The following PARVB variants were observed in gnomAD, a reference collection of about 807,000 sequenced individuals.
The protein encoded by PARVB is parvin beta, also known as beta-parvin.
Under a neutral mutation model 47.0 loss-of-function variants are expected in PARVB, and 46 were observed. That is an observed-to-expected ratio of 0.98 (90% CI 0.77 to 1.25). The LOEUF (loss-of-function observed/expected upper bound fraction) is 1.25. Ranked by LOEUF, PARVB falls within the 50% of genes most tolerant of loss-of-function variation. The probability of loss-of-function intolerance (pLI) is 0.00; values close to 1 mark genes in which losing one functional copy is unlikely to be tolerated. For missense variants in PARVB, 473 were observed against 471.6 expected, an observed-to-expected ratio of 1.00 and a Z score of -0.03; for synonymous variants, 196 against 196.3, an observed-to-expected ratio of 1.00 and a Z score of 0.01.
At chr22:44,084,955 A>G (rs1159895225) in intron 1 of PARVB, among the ~76,000 whole-genome samples, 1 of 152,226 alleles carries the variant, frequency 6.6e-6, no homozygotes, top group African/African-American at 2.4e-5. Context: ...GAGTACAAGA[A>G]CACAGTCTGG....
chr22:44,121,400 C>T (rs5764544), intron 4 of PARVB, among the ~76,000 whole-genome samples: 68,707 of 151,962 alleles, frequency 0.45, 17,311 homozygotes, highest in African/African-American at 0.69. Context: ...TTTTATCATC[C>T]GCTGATTATC....
intron 12 of PARVB, 95 bp downstream of exon 12, chr22:44,164,025 C>T: frequency 2.3e-6 from 2 of 859,288 alleles, no homozygotes; most frequent in East Asian, 2.9e-5. Flanking sequence ...CATGTTGTTC[C>T]CCAGATGGGC....
intron 1 of PARVB, among the ~76,000 whole-genome samples, chr22:44,058,976 G>A (rs979111297): frequency 3.0e-5 from 4 of 132,610 alleles, no homozygotes; most frequent in African/African-American, 6.0e-5. Context: ...AGATGAGGGT[G>A]TGATGGGGGG....
chr22:44,111,075 T>C (rs1235868235), intron 3 of PARVB: 8 of 151,818 alleles, frequency 5.3e-5, no homozygotes, highest in Non-Finnish European at 1.0e-4. Context: ...TTTTTTTCCA[T>C]GTATGTCCCT....
chr22:44,103,289 A>C lies in PARVB; in HGVS notation c.273+3166A>C, dbSNP rs2052493031. 6.6e-6 allele frequency: 1 copy of C among 152,204 alleles called. No homozygotes were observed. Among genetic ancestry groups the C allele is most frequent in the South Asian group, 2.1e-4 (1 of 4,824 alleles). 9.4% of individuals were successfully genotyped at this position (152,204 alleles called of 1,614,324 possible). On this transcript the variant is annotated intron_variant, in intron 3 of 12. Transcript: ENST00000338758. This position sits in a 1 kb window ranked among gnomAD's most constrained non-coding sequence, Gnocchi z 4.6. ...AAGAACAGGAAGGAGCTGAGGAATAAATGCCTCTCCCCGACTTCCCTGATG... is the reference window on the plus strand; with the variant it reads ...AAGAACAGGAAGGAGCTGAGGAATACATGCCTCTCCCCGACTTCCCTGATG...
In PARVB at chr22:44,119,890, A is replaced by G. The variant is rs768525485; in HGVS notation, c.376+750A>G. 3 of 525,406 alleles carry G rather than the reference A, an allele frequency of 5.7e-6. No individual in the cohort carries two copies. In the Admixed American group the frequency reaches 6.0e-5, roughly 10 times the overall value. The allele number at this position is 525,406 out of a possible 1,614,324, so 32.5% of individuals were successfully genotyped here. ...GGGGTGGGGCGGCCTTGCAGCTCAT[A>G]TGGAAGAACGAGCGAAGAGTTGCCA... On this transcript the variant is annotated intron_variant, in intron 4 of 12. Coordinates refer to ENST00000338758, the MANE Select transcript of PARVB (RefSeq NM_013327.5).
At chr22:44,084,893 C>T (rs1215542485) in intron 1 of PARVB, among the ~76,000 whole-genome samples, 1 of 152,214 alleles carries the variant, frequency 6.6e-6, no homozygotes, top group Admixed American at 6.5e-5. Flanking sequence ...CATAACCCTG[C>T]CAGGACATCT....
At chr22:44,065,690 G>T (rs146361794) in intron 1 of PARVB, among the ~76,000 whole-genome samples, 1 of 152,204 alleles carries the variant, frequency 6.6e-6, no homozygotes, top group East Asian at 1.9e-4. Context: ...CATCCTCATA[G>T]CTTAGCTCCT....
intron 2 of PARVB, among the ~76,000 whole-genome samples, chr22:44,098,984 GT>G (rs1174787370): frequency 1.3e-5 from 2 of 152,176 alleles, no homozygotes; most frequent in Non-Finnish European, 2.9e-5. Context: ...CTTCAAAGCT[GT>G]TTTCATTCTG....
At position 44,024,438 on chromosome 22, in the gene PARVB, GA is replaced by G; in HGVS notation, c.100del (p.Arg34GlyfsTer5). The G allele has an allele frequency of 8.4e-7, 1 of 1,191,610 alleles. No individual in the cohort carries two copies. The highest frequency in any genetic ancestry group is 1.0e-6 in the Non-Finnish European group (1 of 956,504). The allele number at this position is 1,191,610 out of a possible 1,614,324, so 73.8% of individuals were successfully genotyped here. A position where few individuals can be genotyped will look rare whatever the true frequency, so the allele number is the denominator to read the frequency against. On this transcript the variant is annotated frameshift_variant, in exon 1 of 13. Transcript: ENST00000338758. LOFTEE classifies it high-confidence loss of function. Reference protein sequence around the residue: ...KLGGTLARKRRAREVSDLQEE... With the variant: ...KLGGTLARKRXAREVSDLQEE... Reference sequence around the variant, plus strand: ...TGGGCGGCACCCTGGCCAGGAAGCGGAGGGCGCGCGAGGGTGAGTGCGCGCC... The same window carrying G: ...TGGGCGGCACCCTGGCCAGGAAGCGGGGGCGCGCGAGGGTGAGTGCGCGCC...
chr22:44,066,792 C>CCTCCTCCTCCTCCTCCTCCTCCTT (rs2051536561), intron 1 of PARVB, among the ~76,000 whole-genome samples: 4 of 141,426 alleles, frequency 2.8e-5, no homozygotes, highest in African/African-American at 1.1e-4. Context: ...TCCTCCTCCT[C>CCTCCTCCTCCTCCTCCTCCTCCTT]CTCCTCCTCC....
chr22:44,034,023 T>A (rs1443134377), intron 1 of PARVB, among the ~76,000 whole-genome samples: 1 of 151,924 alleles, frequency 6.6e-6, no homozygotes, highest in Non-Finnish European at 1.5e-5. Flanking sequence ...CGGGGCCTCA[T>A]GCGCATATGG....
In PARVB at chr22:44,024,389, A is replaced by G. The variant is rs1390535476; in HGVS notation, c.50A>G (p.Lys17Arg). 1.6e-6 allele frequency: 2 copies of G among 1,250,792 alleles called. No individual in the cohort carries two copies. The highest frequency in any genetic ancestry group is 2.0e-6 in the Non-Finnish European group (2 of 982,092). The allele number at this position is 1,250,792 out of a possible 1,614,324, so 77.5% of individuals were successfully genotyped here. The change falls in exon 1 of 13, where the codon AAG becomes AGG. Residue 17 changes from lysine (K) to arginine (R), a missense_variant. Transcript: ENST00000338758. The stretch of plus-strand genomic sequence containing the variant: ...ACCCCGCGGCCCCGCAGGATGAAGA[A>G]GGACGAGTCGTTCCTGGGCAAGCTG... Reference protein sequence around the residue: ...SPTPRPRRMKKDESFLGKLGG... With the variant: ...SPTPRPRRMKRDESFLGKLGG...
chr22:44,122,564 G>GAC (rs2053088725), intron 4 of PARVB, among the ~76,000 whole-genome samples: 2 of 41,194 alleles, frequency 4.9e-5, no homozygotes, highest in African/African-American at 6.6e-5. Flanking sequence ...CACAGAGACA[G>GAC]AGAGAGAGAG....
At chr22:44,051,004 G>A (rs911350594) in intron 1 of PARVB, among the ~76,000 whole-genome samples, 2 of 152,168 alleles carry the variant, frequency 1.3e-5, no homozygotes, top group African/African-American at 4.8e-5. Flanking sequence ...GGCACTGGGC[G>A]CCTAGCTCCT....
At chr22:44,004,517 AGT>A (rs1362965053) in intron 2 of PARVB, among the ~76,000 whole-genome samples, 3 of 152,174 alleles carry the variant, frequency 2.0e-5, no homozygotes, top group African/African-American at 7.2e-5. Flanking sequence ...AGGCCCAGCG[AGT>A]TCCTGCTTAC....
chr22:44,030,678 T>G (rs1056260179), intron 1 of PARVB, among the ~76,000 whole-genome samples: 3 of 152,116 alleles, frequency 2.0e-5, no homozygotes, highest in African/African-American at 7.2e-5. Flanking sequence ...TGGCTGTGAT[T>G]TCCACGCTGT....
upstream of PARVB, chr22:44,024,222 A>G (rs896319965): frequency 8.1e-6 from 3 of 368,292 alleles, no homozygotes; most frequent in South Asian, 1.1e-4. Flanking sequence ...GCTCCAGGCC[A>G]GGGGCGGGGG....
At chr22:44,123,313 G>A (rs539722059) in intron 4 of PARVB, among the ~76,000 whole-genome samples, 3 of 152,334 alleles carry the variant, frequency 2.0e-5, no homozygotes, top group South Asian at 2.1e-4. Flanking sequence ...AGTGGTGGGG[G>A]TAACACGCTG....
Sources: allele counts gnomAD v4.1 joint callset (sites outside exome capture counted in the v4.1 genomes callset), GRCh38; gene constraint gnomAD v4.1.1; non-coding constraint Gnocchi (gnomAD v3.1); transcripts MANE v1.5; gene names NCBI Gene and HGNC (gene_info 2026-07-23, HGNC 2026-07-21).